SYT1: variants seen among roughly 807,000 people sequenced by gnomAD.
SYT1 encodes synaptotagmin-1.
A neutral mutation model predicts 44.8 loss-of-function variants in SYT1; 8 were observed. The ratio of observed to expected loss-of-function variants is 0.18; its 90% CI spans 0.10 to 0.32. The LOEUF is 0.32. Among genes scored for constraint, SYT1 ranks in the 10% least tolerant of loss-of-function variants. The pLI, the probability that SYT1 is intolerant of heterozygous loss-of-function variation, is 1.00. For synonymous variants in SYT1, 154 were observed against 188.8 expected, an observed-to-expected ratio of 0.82 and a Z score of 1.51; for missense variants, 286 against 509.3, an observed-to-expected ratio of 0.56 and a Z score of 4.22.
chr12:78,925,796 C>T (rs1394731638), intron 1 of SYT1, among the ~76,000 whole-genome samples: 3 of 151,904 alleles, frequency 2.0e-5, no homozygotes, highest in Non-Finnish European at 4.4e-5. Context: ...ATACCTTTTT[C>T]TCAATGTATG....
At chr12:79,201,922 A>G (rs748348530) in intron 3 of SYT1, among the ~76,000 whole-genome samples, 1 of 152,166 alleles carries the variant, frequency 6.6e-6, no homozygotes, top group Non-Finnish European at 1.5e-5. Context: ...ATAATATCAA[A>G]TTATTGATCA....
chr12:79,272,362 A>T (rs1489083729), intron 4 of SYT1, among the ~76,000 whole-genome samples: 3 of 152,186 alleles, frequency 2.0e-5, no homozygotes, highest in Admixed American at 2.0e-4. Context: ...GACAGAGGAG[A>T]TAATTGATGG....
intron 3 of SYT1, among the ~76,000 whole-genome samples, chr12:79,169,061 T>C (rs1011800514): frequency 2.0e-5 from 3 of 152,080 alleles, no homozygotes; most frequent in Non-Finnish European, 2.9e-5. Context: ...GAGAGTCCCA[T>C]TGAAATTATG....
chr12:79,321,706 A>G (rs772843153), intron 8 of SYT1, among the ~76,000 whole-genome samples: 2 of 152,230 alleles, frequency 1.3e-5, no homozygotes, highest in Non-Finnish European at 2.9e-5. Context: ...TTACCAAAAT[A>G]TGTTATACAA....
chr12:79,007,113 A>T (rs1223422744), intron 2 of SYT1, among the ~76,000 whole-genome samples: 1 of 152,166 alleles, frequency 6.6e-6, no homozygotes, highest in African/African-American at 2.4e-5. Context: ...CCTGCTGCTG[A>T]CAGGCATGAC....
At chr12:78,919,517 T>C (rs1876863398) in intron 1 of SYT1, among the ~76,000 whole-genome samples, 1 of 152,090 alleles carries the variant, frequency 6.6e-6, no homozygotes, top group Non-Finnish European at 1.5e-5. Context: ...CTTACATTTT[T>C]GCTTTGCTTT....
At chr12:79,283,628 CTT>C (rs1879160146) in intron 4 of SYT1, among the ~76,000 whole-genome samples, 1 of 152,134 alleles carries the variant, frequency 6.6e-6, no homozygotes, top group African/African-American at 2.4e-5. Flanking sequence ...CATACACTCT[CTT>C]GTTCATGCAT....
At chr12:78,907,596 T>A (rs1406578339) in intron 1 of SYT1, among the ~76,000 whole-genome samples, 2 of 152,026 alleles carry the variant, frequency 1.3e-5, no homozygotes, top group Non-Finnish European at 2.9e-5. Flanking sequence ...AGTTGCATAC[T>A]TATTAGAGCA....
intron 8 of SYT1, among the ~76,000 whole-genome samples, chr12:79,348,646 A>G (rs1882710090): frequency 6.6e-6 from 1 of 152,216 alleles, no homozygotes. Flanking sequence ...AAGAGACTAT[A>G]ACTAAAGAGG....
intron 9 of SYT1, among the ~76,000 whole-genome samples, chr12:79,415,998 T>C (rs1202400917): frequency 6.6e-6 from 1 of 152,236 alleles, no homozygotes; most frequent in Non-Finnish European, 1.5e-5. Context: ...TTTACATTAG[T>C]AATCCAGCTA....
At chr12:79,081,733 C>T (rs1877048334) in intron 3 of SYT1, among the ~76,000 whole-genome samples, 1 of 152,058 alleles carries the variant, frequency 6.6e-6, no homozygotes, top group African/African-American at 2.4e-5. Context: ...TCTAGTCATT[C>T]GTCCTCATTT....
At chr12:79,124,287 T>C (rs950085744) in intron 3 of SYT1, among the ~76,000 whole-genome samples, 4 of 152,142 alleles carry the variant, frequency 2.6e-5, no homozygotes, top group Admixed American at 2.6e-4. Flanking sequence ...CATAGATGCC[T>C]AGTGTTTTAA....
intron 8 of SYT1, among the ~76,000 whole-genome samples, chr12:79,333,171 C>T (rs1881933490): frequency 6.6e-6 from 1 of 152,122 alleles, no homozygotes; most frequent in Admixed American, 6.5e-5. Context: ...TCATAAACAA[C>T]AAAAATTTAT....
intron 9 of SYT1, among the ~76,000 whole-genome samples, chr12:79,354,606 TTA>T (rs1883039813): frequency 6.6e-6 from 1 of 152,166 alleles, no homozygotes; most frequent in South Asian, 2.1e-4. Context: ...GTATTTCTCT[TTA>T]TAAATAAGTC....
intron 3 of SYT1, among the ~76,000 whole-genome samples, chr12:79,141,074 T>C (rs1007220516): frequency 6.6e-5 from 10 of 152,234 alleles, no homozygotes; most frequent in Admixed American, 6.5e-4. Context: ...TATTTTTATC[T>C]GTGGAAACAA....
At chr12:79,366,894 CTGTGTGTGTGTGTGTGTGTGTGTGTGTG>C (rs3995413) in intron 9 of SYT1, among the ~76,000 whole-genome samples, 2 of 117,424 alleles carry the variant, frequency 1.7e-5, no homozygotes, top group South Asian at 3.2e-4. Context: ...ATAAATAATA[CTGTGTGTGTGTGTGTGTGTGTGTGTGTG>C]TGTGTGTGTG....
At chr12:79,322,193 G>C (rs1881394198) in intron 8 of SYT1, among the ~76,000 whole-genome samples, 1 of 152,078 alleles carries the variant, frequency 6.6e-6, no homozygotes, top group Non-Finnish European at 1.5e-5. Flanking sequence ...GCAAGTTCTG[G>C]CATGCCTAAA....
intron 2 of SYT1, among the ~76,000 whole-genome samples, chr12:79,046,902 T>C (rs181387630): frequency 1.2e-4 from 18 of 152,064 alleles, no homozygotes; most frequent in Non-Finnish European, 2.1e-4. Context: ...TGATTTGTAA[T>C]AGTCATATTG....
Position 79,335,346 on chromosome 12 carries a change from A to C in SYT1, c.811-18156A>C, listed in dbSNP as rs12310206. Among the ~76,000 whole-genome samples, 448 of 144,744 alleles carry C rather than the reference A, an allele frequency of 3.1e-3. 3 individuals carry two copies. The highest frequency in any genetic ancestry group is 0.011 in the African/African-American group (433 of 39,468). 95.0% of individuals were successfully genotyped at this position (144,744 alleles called of 152,430 possible). A position where few individuals can be genotyped will look rare whatever the true frequency, so the allele number is the denominator to read the frequency against. ...CCTCGTATTTCTTCTGTGTGTTCTT[A>C]TGCCTTTCCTTTCCTTGTATGCCTT... On this transcript the variant is annotated intron_variant, in intron 8 of 10. Coordinates refer to ENST00000261205, the MANE Select transcript of SYT1 (RefSeq NM_005639.3).
Sources: gnomAD v4.1 joint callset for allele counts (sites outside exome capture counted in the v4.1 genomes callset) on GRCh38, gnomAD v4.1.1 for gene constraint, MANE v1.5 for transcripts, NCBI Gene and HGNC (gene_info 2026-07-23, HGNC 2026-07-21) for gene names.